The following SEMA6A variants were observed in gnomAD, a reference collection of about 807,000 sequenced individuals.
The protein encoded by SEMA6A is semaphorin-6A.
SEMA6A carries 25 observed loss-of-function variants against 96.8 expected under a neutral mutation model. The observed-to-expected ratio is 0.26, with a 90% CI of 0.19 to 0.36. The LOEUF (loss-of-function observed/expected upper bound fraction) is 0.36. Among genes scored for constraint, SEMA6A ranks in the 10% least tolerant of loss-of-function variants. The probability of loss-of-function intolerance (pLI) is 1.00; values close to 1 mark genes in which losing one functional copy is unlikely to be tolerated. For synonymous variants in SEMA6A, 612 were observed against 518.0 expected, an observed-to-expected ratio of 1.18 and a Z score of -2.46; for missense variants, 1,363 against 1,323.1, an observed-to-expected ratio of 1.03 and a Z score of -0.47.
chr5:116,494,552 C>T (rs56860283), intron 6 of SEMA6A, among the ~76,000 whole-genome samples: 2,677 of 152,268 alleles, frequency 0.018, 77 homozygotes, highest in African/African-American at 0.061. Flanking sequence ...CTCCTCACCT[C>T]ATGCATGGCA....
chr5:116,541,397 G>A (rs552707322), intron 1 of SEMA6A, among the ~76,000 whole-genome samples: 1 of 152,196 alleles, frequency 6.6e-6, no homozygotes, highest in African/African-American at 2.4e-5. Context: ...GCAATGTTCT[G>A]AAAGGAAGCA....
chr5:116,452,956 A>G (rs993834641), intron 18 of SEMA6A, among the ~76,000 whole-genome samples: 1 of 152,152 alleles, frequency 6.6e-6, no homozygotes, highest in African/African-American at 2.4e-5. Flanking sequence ...CTTGCATACA[A>G]CTCTGTCCAA....
At chr5:116,512,428 G>T (rs1758452638) in intron 1 of SEMA6A, among the ~76,000 whole-genome samples, 1 of 152,184 alleles carries the variant, frequency 6.6e-6, no homozygotes, top group South Asian at 2.1e-4. Context: ...AAATGCCACA[G>T]ACCTAACTTC....
intron 18 of SEMA6A, chr5:116,449,336 C>T (rs185544565): frequency 5.3e-4 from 374 of 702,234 alleles, no homozygotes; most frequent in African/African-American, 4.6e-3. Context: ...TCTCGGGAGA[C>T]GCATTTTTCA....
intron 1 of SEMA6A, among the ~76,000 whole-genome samples, chr5:116,522,405 G>A (rs529011369): frequency 1.3e-5 from 2 of 152,252 alleles, no homozygotes; most frequent in Non-Finnish European, 2.9e-5. Flanking sequence ...TCGCAGTATG[G>A]TCAGCCAATA....
chr5:116,496,148 A>T, intron 5 of SEMA6A, 103 bp downstream of exon 5: 1 of 996,192 alleles, frequency 1.0e-6, no homozygotes, highest in Non-Finnish European at 1.5e-6. Context: ...CTGAGGGAAA[A>T]AGGAAAAAGC....
Position 116,446,569 on chromosome 5 carries a change from TCGCCTTGCCTGCTG to T in SEMA6A, c.*30_*43del. 1 of 1,439,858 alleles carries T rather than the reference TCGCCTTGCCTGCTG, an allele frequency of 6.9e-7. No homozygotes were observed. Among genetic ancestry groups the T allele is most frequent in the East Asian group, 2.5e-5 (1 of 40,054 alleles). 89.2% of individuals were successfully genotyped at this position (1,439,858 alleles called of 1,614,324 possible). A position where few individuals can be genotyped will look rare whatever the true frequency, so the allele number is the denominator to read the frequency against. On this transcript the variant is annotated 3_prime_UTR_variant, in exon 19 of 19. Transcript: ENST00000343348. ...AACCTTGCTGAGCTGAGCGGGCACC[TCGCCTTGCCTGCTG>T]GTTCGACACCTGACCCCCTCCCCCT...
Position 116,473,065 on chromosome 5 carries a change from T to C in SEMA6A, c.1729+8A>G. Reference sequence around the variant, plus strand: ...AGTATGGAATTATGAGAGTAATATCTTCCTTACCATTCAGTGCCACAAAGG... The same window carrying C: ...AGTATGGAATTATGAGAGTAATATCCTCCTTACCATTCAGTGCCACAAAGG... On this transcript the variant is annotated splice_region_variant and intron_variant, in intron 17 of 18. Coordinates refer to ENST00000343348, the MANE Select transcript of SEMA6A (RefSeq NM_020796.5). The C allele has an allele frequency of 6.3e-7, 1 of 1,592,194 alleles. No homozygotes were observed. The highest frequency in any genetic ancestry group is 1.3e-5 in the African/African-American group (1 of 74,746).
intron 7 of SEMA6A, among the ~76,000 whole-genome samples, chr5:116,491,371 A>G (rs766821399): frequency 6.6e-6 from 1 of 152,132 alleles, no homozygotes; most frequent in Non-Finnish European, 1.5e-5. Context: ...CCAATCCCAA[A>G]GTCCATCCTA....
At chr5:116,474,614 T>C (rs1269658684) in intron 16 of SEMA6A, among the ~76,000 whole-genome samples, 1 of 152,186 alleles carries the variant, frequency 6.6e-6, no homozygotes, top group Non-Finnish European at 1.5e-5. Context: ...AAAGATAAGG[T>C]AGAAAGTTGA....
chr5:116,536,329 A>C (rs974404094), intron 1 of SEMA6A: 1 of 152,148 alleles, frequency 6.6e-6, no homozygotes, highest in South Asian at 2.1e-4. Flanking sequence ...TCTCTCCAGC[A>C]CTAGGATTCC....
At chr5:116,454,659 T>C (rs1479137332) in intron 18 of SEMA6A, among the ~76,000 whole-genome samples, 1 of 152,174 alleles carries the variant, frequency 6.6e-6, no homozygotes, top group Non-Finnish European at 1.5e-5. Flanking sequence ...TCTGTGGTTA[T>C]CTGGGCAGGA....
intron 18 of SEMA6A, among the ~76,000 whole-genome samples, chr5:116,450,650 A>G (rs1754567770): frequency 6.6e-6 from 1 of 152,176 alleles, no homozygotes; most frequent in Non-Finnish European, 1.5e-5. Context: ...GGTTGTTAAC[A>G]AGTTAAGTAG....
chr5:116,485,072 C>G (rs1205900793), intron 10 of SEMA6A, among the ~76,000 whole-genome samples: 1 of 152,110 alleles, frequency 6.6e-6, no homozygotes, highest in East Asian at 1.9e-4. Flanking sequence ...AACAGAGGGA[C>G]TATAATTTAT....
At chr5:116,481,973 T>C (rs1442058309) in intron 11 of SEMA6A, among the ~76,000 whole-genome samples, 1 of 152,098 alleles carries the variant, frequency 6.6e-6, no homozygotes, top group African/African-American at 2.4e-5. Flanking sequence ...TCACCCTCGG[T>C]CTAGAGTCCT....
intron 17 of SEMA6A, chr5:116,469,245 T>A (rs2112656387): frequency 6.6e-6 from 1 of 152,356 alleles, no homozygotes; most frequent in African/African-American, 2.4e-5. Flanking sequence ...AATAGTCTGC[T>A]TCGTATCCAG....
rs574931128 is a variant in SEMA6A, at chr5:116,556,265, T to G, written c.-39+17920A>C. The stretch of plus-strand genomic sequence containing the variant: ...AATAATGATTACTTACTTAGTTATT[T>G]TAAACCATGCTCTGACACACAAAAG... On this transcript the variant is annotated intron_variant, in intron 1 of 18. Coordinates refer to ENST00000343348, the MANE Select transcript of SEMA6A (RefSeq NM_020796.5). Among the ~76,000 whole-genome samples the G allele has an allele frequency of 1.1e-4, 17 of 152,326 alleles. No individual in the cohort carries two copies. In the South Asian group the frequency reaches 3.5e-3, roughly 32 times the overall value.
At chr5:116,506,937 G>T (rs1210989645) in intron 1 of SEMA6A, among the ~76,000 whole-genome samples, 2 of 152,076 alleles carry the variant, frequency 1.3e-5, no homozygotes, top group African/African-American at 4.8e-5. Flanking sequence ...TGTCCTATAA[G>T]CTAACAAGAC....
chr5:116,540,736 A>G (rs1471386151), intron 1 of SEMA6A, among the ~76,000 whole-genome samples: 1 of 152,164 alleles, frequency 6.6e-6, no homozygotes, highest in Non-Finnish European at 1.5e-5. Context: ...AGGGAAAAAA[A>G]CTTGGCCCAA....
Sources: gnomAD v4.1 joint callset for allele counts (sites outside exome capture counted in the v4.1 genomes callset) on GRCh38, gnomAD v4.1.1 for gene constraint, MANE v1.5 for transcripts, NCBI Gene and HGNC (gene_info 2026-07-23, HGNC 2026-07-21) for gene names.